PRKDC: variants seen among roughly 807,000 people sequenced by gnomAD.
The protein encoded by PRKDC is protein kinase, DNA-activated, catalytic subunit, also known as DNA-dependent protein kinase catalytic subunit.
Under a neutral mutation model 486.9 loss-of-function variants are expected in PRKDC, and 82 were observed. The ratio of observed to expected loss-of-function variants is 0.17; its 90% CI spans 0.14 to 0.20. The LOEUF is 0.20. Among genes scored for constraint, PRKDC ranks in the 10% least tolerant of loss-of-function variants. The pLI is 1.00. For missense variants in PRKDC, 4,504 were observed against 5,038.2 expected (o/e 0.89, Z 3.21); for synonymous variants, 1,895 against 1,837.0 (o/e 1.03, Z -0.81).
chr8:47,881,067 C>CAAGAAAGCA (rs1293971521), intron 38 of PRKDC, among the ~76,000 whole-genome samples: 8 of 117,182 alleles, frequency 6.8e-5, no homozygotes, highest in Non-Finnish European at 1.3e-4. Context: ...AAAAAGAAAG[C>CAAGAAAGCA]AAGAAAGCAA....
intron 68 of PRKDC, among the ~76,000 whole-genome samples, chr8:47,814,558 A>T (rs868349059): frequency 9.9e-5 from 15 of 152,182 alleles, no homozygotes; most frequent in Non-Finnish European, 2.1e-4. Context: ...AAAATAATAC[A>T]ATTTTAAAAA....
rs191477681 is a variant in PRKDC, at chr8:47,927,810, G to A, written c.2220C>T (p.Ile740=). 453 of 1,590,406 alleles carry A rather than the reference G, an allele frequency of 2.8e-4. No individual in the cohort carries two copies. The highest frequency in any genetic ancestry group is 3.7e-4 in the Non-Finnish European group (431 of 1,170,280). Residue 740 remains isoleucine (I), a synonymous_variant, in exon 20 of 86, where the codon ATC becomes ATT. Coordinates refer to ENST00000314191, the MANE Select transcript of PRKDC (RefSeq NM_006904.7). ...LTFLLSLPHN[I]IELDVRAYVP... is the part of the protein sequence containing the mutation. ...CGTAGGCTCTAACATCGAGTTCAAT[G>A]ATGTTGTGTGGCAAGGACAGAAGAA...
chr8:47,936,650 G>T, intron 11 of PRKDC, 133 bp from the exon 12 acceptor site: 1 of 1,033,550 alleles, frequency 9.7e-7, no homozygotes, highest in Non-Finnish European at 1.4e-6. Context: ...ACGAAGTTTC[G>T]CTCTTGTCCA....
intron 1 of PRKDC, among the ~76,000 whole-genome samples, chr8:47,958,521 G>C (rs1457555629): frequency 6.6e-6 from 1 of 152,130 alleles, no homozygotes; most frequent in Non-Finnish European, 1.5e-5. Flanking sequence ...ACTTCCCCTG[G>C]AATCTCTCAA....
intron 40 of PRKDC, among the ~76,000 whole-genome samples, chr8:47,871,628 C>T (rs1320860162): frequency 1.3e-5 from 2 of 152,004 alleles, no homozygotes; most frequent in East Asian, 3.9e-4. Flanking sequence ...GATGGAGTTT[C>T]GCTCTTCTTG....
chr8:47,833,744 A>G (rs2087942629), intron 59 of PRKDC, among the ~76,000 whole-genome samples: 1 of 151,928 alleles, frequency 6.6e-6, no homozygotes, highest in African/African-American at 2.4e-5. Flanking sequence ...ATCTGAGCCT[A>G]CCCACCCTGA....
chr8:47,799,146 G>A lies in PRKDC; in HGVS notation c.10297+64C>T, dbSNP rs1589703840. On this transcript the variant is annotated intron_variant, in intron 72 of 85. Coordinates refer to ENST00000314191, the MANE Select transcript of PRKDC (RefSeq NM_006904.7). ...CAAACAAAGAGGAGACCAAAGGTAT[G>A]TACAAAATTCATAAGACTTTATGCT... 3.2e-6 allele frequency: 5 copies of A among 1,579,188 alleles called. No individual in the cohort carries two copies. The East Asian group carries it at 6.7e-5, about 21-fold the overall frequency.
intron 48 of PRKDC, 39 bp from the exon 49 acceptor site, chr8:47,857,338 C>T (rs750835431): frequency 6.4e-7 from 1 of 1,571,552 alleles, no homozygotes; most frequent in Non-Finnish European, 8.6e-7. Context: ...AAAGAATGGT[C>T]TTAAATTGCC....
intron 7 of PRKDC, among the ~76,000 whole-genome samples, chr8:47,953,244 T>C (rs1442343187): frequency 6.6e-6 from 1 of 152,060 alleles, no homozygotes; most frequent in Non-Finnish European, 1.5e-5. Context: ...GAAGCAGAGG[T>C]TGCAGTGAGC....
chr8:47,943,954 A>G lies in PRKDC; in HGVS notation c.777+20T>C. 6.4e-7 allele frequency: 1 copy of G among 1,553,716 alleles called. No homozygotes were observed. The highest frequency in any genetic ancestry group is 8.7e-7 in the Non-Finnish European group (1 of 1,142,982). On this transcript the variant is annotated intron_variant, in intron 8 of 85. Coordinates refer to ENST00000314191, the MANE Select transcript of PRKDC (RefSeq NM_006904.7). ...ACTGTAAAGGCATTAGAATAATATT[A>G]ATAGTAATATTAATCCTACCTGAGG...
intron 54 of PRKDC, among the ~76,000 whole-genome samples, chr8:47,848,556 G>A (rs1302138709): frequency 1.3e-5 from 2 of 151,266 alleles, no homozygotes; most frequent in Non-Finnish European, 2.9e-5. Flanking sequence ...CTGAGTGACA[G>A]ATTCATCTGT....
intron 69 of PRKDC, among the ~76,000 whole-genome samples, chr8:47,803,985 T>C (rs888855590): frequency 1.3e-5 from 2 of 151,374 alleles, no homozygotes; most frequent in Admixed American, 6.6e-5. Context: ...CAATTCAGTA[T>C]TTTTTAGTAT....
chr8:47,806,845 T>C (rs927596489), intron 69 of PRKDC, among the ~76,000 whole-genome samples: 1 of 152,200 alleles, frequency 6.6e-6, no homozygotes, highest in Non-Finnish European at 1.5e-5. Context: ...CTGGAGAGTT[T>C]TGAATAAGTG....
chr8:47,816,429 T>C (rs1267271784), intron 68 of PRKDC, among the ~76,000 whole-genome samples: 1 of 152,098 alleles, frequency 6.6e-6, no homozygotes, highest in Non-Finnish European at 1.5e-5. Context: ...ATAGAGTCCA[T>C]CATTCTGTAC....
chr8:47,801,745 T>A (rs950464331), intron 70 of PRKDC, among the ~76,000 whole-genome samples: 4 of 152,182 alleles, frequency 2.6e-5, no homozygotes, highest in Non-Finnish European at 5.9e-5. Flanking sequence ...GACTGTGTGG[T>A]TCTGGGCAAG....
At chr8:47,855,166 C>A in intron 50 of PRKDC, 56 bp downstream of exon 50, 1 of 1,421,342 alleles carries the variant, frequency 7.0e-7, no homozygotes, top group East Asian at 2.4e-5. Flanking sequence ...TCATTTACGA[C>A]ACACTACATT....
Position 47,861,305 on chromosome 8 carries a change from G to C in PRKDC, c.5986-334C>G, listed in dbSNP as rs552309882. The stretch of plus-strand genomic sequence containing the variant: ...CCTCAATTTATTCAAATCTAGTTAT[G>C]ATATATCATAGTGCTTGTAATTGTT... On this transcript the variant is annotated intron_variant, in intron 44 of 85. Coordinates refer to ENST00000314191, the MANE Select transcript of PRKDC (RefSeq NM_006904.7). 4.6e-5 allele frequency among the ~76,000 whole-genome samples: 7 copies of C among 152,294 alleles called. No individual in the cohort carries two copies. The South Asian group carries it at 1.5e-3, about 32-fold the overall frequency.
Position 47,927,735 on chromosome 8 carries a change from C to T in PRKDC, c.2259+36G>A, listed in dbSNP as rs8178048. The T allele has an allele frequency of 6.7e-4, 990 of 1,467,052 alleles. 10 individuals carry two copies. In the African/African-American group the frequency reaches 9.8e-3, roughly 14 times the overall value. 90.9% of individuals were successfully genotyped at this position (1,467,052 alleles called of 1,614,324 possible). On this transcript the variant is annotated intron_variant, in intron 20 of 85. Transcript: ENST00000314191. Reference sequence around the variant, plus strand: ...CTATGTGCTCTGGGACTCACAACAGCGATGAAGAGATGGCTCTGTTCAAGA... The same window carrying T: ...CTATGTGCTCTGGGACTCACAACAGTGATGAAGAGATGGCTCTGTTCAAGA...
intron 21 of PRKDC, among the ~76,000 whole-genome samples, chr8:47,923,898 T>C (rs994646242): frequency 6.6e-6 from 1 of 152,228 alleles, no homozygotes; most frequent in Non-Finnish European, 1.5e-5. Context: ...CTGAGCCCAT[T>C]TGGACTTGTG....
Sources: allele counts gnomAD v4.1 joint callset (sites outside exome capture counted in the v4.1 genomes callset), GRCh38; gene constraint gnomAD v4.1.1; transcripts MANE v1.5; gene names NCBI Gene and HGNC (gene_info 2026-07-23, HGNC 2026-07-21).